Variants in MASP1 observed in about 807,000 individuals in gnomAD.
The protein encoded by MASP1 is MBL associated serine protease 1.
Under a neutral mutation model 77.1 loss-of-function variants are expected in MASP1, and 59 were observed. The ratio of observed to expected loss-of-function variants is 0.77; its 90% CI spans 0.62 to 0.95. The LOEUF (loss-of-function observed/expected upper bound fraction) is 0.95. Ranked by LOEUF, MASP1 falls within the 40% of genes least tolerant of loss-of-function variation. The pLI is 0.00. For missense variants in MASP1, 885 were observed against 912.9 expected (o/e 0.97, Z 0.39); for synonymous variants, 362 against 354.5 (o/e 1.02, Z -0.24).
At chr3:187,243,456 G>A (rs746008989) in intron 9 of MASP1, 28 bp downstream of exon 9, 4 of 1,613,862 alleles carry the variant, frequency 2.5e-6, no homozygotes, top group Non-Finnish European at 2.5e-6. Context: ...TGAAACGGGA[G>A]TGGGATGGCT....
chr3:187,220,365 C>A, intron 15 of MASP1: 1 of 1,019,656 alleles, frequency 9.8e-7, no homozygotes. Flanking sequence ...CACTAGAGGG[C>A]ATAGCAGACC....
chr3:187,245,678 C>A lies in MASP1; in HGVS notation c.1091-2057G>T, dbSNP rs539024696. 5.9e-5 allele frequency among the ~76,000 whole-genome samples: 9 copies of A among 152,298 alleles called. No homozygotes were observed. In the South Asian group the frequency reaches 1.9e-3, roughly 32 times the overall value. On this transcript the variant is annotated intron_variant, in intron 8 of 10. Coordinates refer to ENST00000296280, the MANE Select transcript of MASP1 (RefSeq NM_139125.4). Reference sequence around the variant, plus strand: ...AGCTCTGTCTGGCACAATCAGCACACACTAGACCCTGCTTCCTCCGTTGAC... The same window carrying A: ...AGCTCTGTCTGGCACAATCAGCACAAACTAGACCCTGCTTCCTCCGTTGAC...
intron 2 of MASP1, among the ~76,000 whole-genome samples, chr3:187,284,359 G>A (rs192662459): frequency 2.6e-5 from 4 of 152,250 alleles, no homozygotes; most frequent in East Asian, 1.9e-4. Flanking sequence ...TGGTGGGGCC[G>A]GGGCTGCTAC....
At chr3:187,240,569 T>A (rs1380539248) in intron 10 of MASP1, among the ~76,000 whole-genome samples, 1 of 152,234 alleles carries the variant, frequency 6.6e-6, no homozygotes, top group African/African-American at 2.4e-5. Context: ...ATTTTGGGGC[T>A]ACACTTTTCT....
In MASP1 at chr3:187,235,343, G is replaced by A. The variant is rs1046023001; in HGVS notation, c.*341C>T. The stretch of plus-strand genomic sequence containing the variant: ...ACCGATGGGTTTGATAAGTGGTCAG[G>A]AGTGAATAAAGGCCACTGGGGTAAG... On this transcript the variant is annotated 3_prime_UTR_variant, in exon 11 of 11. Coordinates refer to ENST00000296280, the MANE Select transcript of MASP1 (RefSeq NM_139125.4). 9 of 1,381,760 alleles carry A rather than the reference G, an allele frequency of 6.5e-6. No homozygotes were observed. In the African/African-American group the frequency reaches 1.0e-4, roughly 15 times the overall value. 85.6% of individuals were successfully genotyped at this position (1,381,760 alleles called of 1,614,324 possible). A position where few individuals can be genotyped will look rare whatever the true frequency, so the allele number is the denominator to read the frequency against.
At position 187,241,574 on chromosome 3, in the gene MASP1, T is replaced by G; in HGVS notation, c.1229-19A>C. ...TATATACCTGGATTAGTGAAAGAGG[T>G]TAGGAGAGGAGGGAGAAAATGGTTG... On this transcript the variant is annotated intron_variant, in intron 9 of 10. Transcript: ENST00000296280. The G allele has an allele frequency of 1.3e-6, 2 of 1,543,006 alleles. No individual in the cohort carries two copies. The highest frequency in any genetic ancestry group is 2.2e-5 in the South Asian group (2 of 89,746).
At position 187,264,941 on chromosome 3, in the gene MASP1, C is replaced by T. The variant is rs572904738; in HGVS notation, c.238-2221G>A. ...TACAGGAACCTGGCAGTTGGAGGTC[C>T]TGGGTCCTGTTCCTGACACTGCCGT... On this transcript the variant is annotated intron_variant, in intron 2 of 10. Transcript: ENST00000296280. 5.9e-5 allele frequency among the ~76,000 whole-genome samples: 9 copies of T among 152,136 alleles called. No homozygotes were observed. The South Asian group carries it at 1.7e-3, about 28-fold the overall frequency.
chr3:187,254,105 GA>G (rs1305008328), intron 5 of MASP1, among the ~76,000 whole-genome samples: 3 of 152,140 alleles, frequency 2.0e-5, no homozygotes, highest in Admixed American at 1.3e-4. Context: ...TGCTGTCAAA[GA>G]ACCTGCAGTC....
chr3:187,219,780 A>G lies in MASP1; in HGVS notation c.*291T>C, dbSNP rs17040. 271,087 of 466,450 alleles carry G rather than the reference A, an allele frequency of 0.58. 81,611 individuals are homozygous for G. Among genetic ancestry groups the G allele is most frequent in the East Asian group, 0.88 (20,845 of 23,724 alleles). The allele number at this position is 466,450 out of a possible 1,614,324, so 28.9% of individuals were successfully genotyped here. ...TTTTACGAGGTAGGTAAGGTATAGC[A>G]TTTCCATCTTATGAAGAAACTGAAG... On this transcript the variant is annotated 3_prime_UTR_variant, in exon 16 of 16. Coordinates refer to the MASP1 transcript ENST00000337774.
exon 16 of MASP1, chr3:187,219,068 G>T (rs1277009983): frequency 6.6e-6 from 1 of 152,228 alleles, no homozygotes; most frequent in East Asian, 1.9e-4. Flanking sequence ...CTCACACTTT[G>T]CCTGTCCCAT....
intron 2 of MASP1, among the ~76,000 whole-genome samples, chr3:187,268,679 C>T (rs186682128): frequency 6.0e-4 from 92 of 152,248 alleles, no homozygotes; most frequent in African/African-American, 2.1e-3. Context: ...CAATGTACTT[C>T]AGGAAGAAGT....
At position 187,235,189 on chromosome 3, in the gene MASP1, T is replaced by C; in HGVS notation, c.*495A>G. 7.8e-7 allele frequency: 1 copy of C among 1,288,022 alleles called. No individual in the cohort carries two copies. Among genetic ancestry groups the C allele is most frequent in the Non-Finnish European group, 1.0e-6 (1 of 989,258 alleles). 79.8% of individuals were successfully genotyped at this position (1,288,022 alleles called of 1,614,324 possible). ...TCCCAAAACCTGAATGCTCTTCTCCTAGAGGAAGGATTAGGCCAAGGCTAG... is the reference window on the plus strand; with the variant it reads ...TCCCAAAACCTGAATGCTCTTCTCCCAGAGGAAGGATTAGGCCAAGGCTAG... On this transcript the variant is annotated 3_prime_UTR_variant, in exon 11 of 11. Transcript: ENST00000296280.
chr3:187,239,296 T>C (rs570685910), intron 10 of MASP1, among the ~76,000 whole-genome samples: 4 of 151,970 alleles, frequency 2.6e-5, no homozygotes, highest in Admixed American at 2.6e-4. Context: ...GAGATTGCAG[T>C]GAGCTGAGAT....
At chr3:187,289,106 G>A (rs147223643) in intron 1 of MASP1, among the ~76,000 whole-genome samples, 54 of 152,074 alleles carry the variant, frequency 3.6e-4, no homozygotes, top group African/African-American at 1.3e-3. Context: ...TCTATCCTCC[G>A]GCTAATCAAA....
chr3:187,291,648 G>T lies in MASP1; in HGVS notation c.-16C>A, dbSNP rs765289058. The T allele has an allele frequency of 3.1e-6, 5 of 1,614,186 alleles. No individual in the cohort carries two copies. The South Asian group carries it at 5.5e-5, about 18-fold the overall frequency. On this transcript the variant is annotated 5_prime_UTR_variant, in exon 1 of 11. Coordinates refer to ENST00000296280, the MANE Select transcript of MASP1 (RefSeq NM_139125.4). Reference sequence around the variant, plus strand: ...CGTACCTCATTTTCCTGCCTTGGGTGCTCCCGGCTGCCCGGCCTTGGTCCT... The same window carrying T: ...CGTACCTCATTTTCCTGCCTTGGGTTCTCCCGGCTGCCCGGCCTTGGTCCT...
At chr3:187,240,033 C>T (rs995644362) in intron 10 of MASP1, among the ~76,000 whole-genome samples, 1 of 151,894 alleles carries the variant, frequency 6.6e-6, no homozygotes, top group Non-Finnish European at 1.5e-5. Context: ...TTGGCTATGT[C>T]CCAAACTGGC....
chr3:187,225,928 CTG>C (rs1712401575), intron 12 of MASP1, among the ~76,000 whole-genome samples: 2 of 152,332 alleles, frequency 1.3e-5, no homozygotes, highest in Non-Finnish European at 2.9e-5. Context: ...TTAGAGGTCT[CTG>C]TGCTCACATC....
At chr3:187,247,648 C>T (rs1714209402) in intron 8 of MASP1, among the ~76,000 whole-genome samples, 1 of 152,102 alleles carries the variant, frequency 6.6e-6, no homozygotes, top group African/African-American at 2.4e-5. Context: ...AAATTCTGCC[C>T]CTGGAGGGAG....
chr3:187,224,202 C>T (rs867879056), intron 13 of MASP1, among the ~76,000 whole-genome samples: 11 of 152,154 alleles, frequency 7.2e-5, no homozygotes, highest in Admixed American at 5.9e-4. Flanking sequence ...ATCTCAAACA[C>T]GGAAATGCCA....
Sources: gnomAD v4.1 joint callset for allele counts (sites outside exome capture counted in the v4.1 genomes callset) on GRCh38, gnomAD v4.1.1 for gene constraint, MANE v1.5 for transcripts, NCBI Gene and HGNC (gene_info 2026-07-23, HGNC 2026-07-21) for gene names.